The following KCNIP4 variants were observed in gnomAD, a reference collection of about 807,000 sequenced individuals.
KCNIP4 encodes Kv channel-interacting protein 4.
A neutral mutation model predicts 34.0 loss-of-function variants in KCNIP4; 12 were observed. The observed-to-expected ratio is 0.35, with a 90% CI of 0.23 to 0.57. KCNIP4 has a LOEUF of 0.57. Among genes scored for constraint, KCNIP4 ranks in the 20% least tolerant of loss-of-function variants. The probability of loss-of-function intolerance (pLI) is 0.83; values close to 1 mark genes in which losing one functional copy is unlikely to be tolerated. For missense variants in KCNIP4, 238 were observed against 311.7 expected (o/e 0.76, Z 1.78); for synonymous variants, 124 against 102.2 (o/e 1.21, Z -1.29).
chr4:21,764,201 C>T (rs996349357), intron 1 of KCNIP4, among the ~76,000 whole-genome samples: 3 of 152,128 alleles, frequency 2.0e-5, no homozygotes, highest in East Asian at 1.9e-4. Flanking sequence ...CAGACAATTG[C>T]GTGGAGGATA....
intron 1 of KCNIP4, among the ~76,000 whole-genome samples, chr4:21,681,022 T>C (rs1475271638): frequency 1.3e-5 from 2 of 152,178 alleles, no homozygotes; most frequent in Non-Finnish European, 2.9e-5. Flanking sequence ...CATTGAATTC[T>C]TCTCTCTACT....
chr4:20,868,531 A>G (rs1326414193), intron 2 of KCNIP4, among the ~76,000 whole-genome samples: 1 of 152,092 alleles, frequency 6.6e-6, no homozygotes, highest in African/African-American at 2.4e-5. Context: ...AAAAAGACAC[A>G]TGCACTCATA....
At chr4:21,896,465 T>C (rs976145646) in intron 1 of KCNIP4, among the ~76,000 whole-genome samples, 4 of 152,068 alleles carry the variant, frequency 2.6e-5, no homozygotes, top group African/African-American at 9.7e-5. Flanking sequence ...TGGCATATTC[T>C]AGGATATGAG....
At chr4:21,367,047 T>G (rs1719850585) in intron 1 of KCNIP4, among the ~76,000 whole-genome samples, 1 of 152,128 alleles carries the variant, frequency 6.6e-6, no homozygotes, top group South Asian at 2.1e-4. Context: ...TCCTGCCATG[T>G]GAGGACACAG....
chr4:21,091,285 A>G (rs936980397), intron 1 of KCNIP4, among the ~76,000 whole-genome samples: 1 of 152,246 alleles, frequency 6.6e-6, no homozygotes, highest in African/African-American at 2.4e-5. Context: ...TATGGCAGGA[A>G]AAATAAAACC....
chr4:20,785,111 A>G (rs2149396887), intron 3 of KCNIP4, among the ~76,000 whole-genome samples: 1 of 152,228 alleles, frequency 6.6e-6, no homozygotes, highest in East Asian at 1.9e-4. Flanking sequence ...TGTTTCTCAA[A>G]TGTGAGGCAG....
At chr4:21,384,953 A>G (rs531586010) in intron 1 of KCNIP4, among the ~76,000 whole-genome samples, 62 of 152,286 alleles carry the variant, frequency 4.1e-4, no homozygotes, top group South Asian at 1.7e-3. Flanking sequence ...TGTCATTAAG[A>G]GGGGCGCTTT....
intron 1 of KCNIP4, among the ~76,000 whole-genome samples, chr4:20,944,786 G>A (rs1732020950): frequency 1.3e-5 from 2 of 152,170 alleles, no homozygotes; most frequent in Non-Finnish European, 2.9e-5. Flanking sequence ...AGGAAGCTTT[G>A]GGGACAAGAT....
intron 1 of KCNIP4, among the ~76,000 whole-genome samples, chr4:20,958,863 CCTT>C (rs1244606451): frequency 6.6e-6 from 1 of 152,158 alleles, no homozygotes; most frequent in African/African-American, 2.4e-5. Flanking sequence ...GTGGCAGACA[CCTT>C]CTTACCAAGA....
intron 1 of KCNIP4, among the ~76,000 whole-genome samples, chr4:21,785,610 T>TAAATAAATAAATAAATAAATAAATAAATA (rs1553931494): frequency 6.2e-4 from 91 of 147,650 alleles, no homozygotes; most frequent in African/African-American, 1.8e-3. Context: ...AATAAATAAA[T>TAAATAAATAAATAAATAAATAAATAAATA]AAATAAAATA....
intron 1 of KCNIP4, among the ~76,000 whole-genome samples, chr4:21,937,581 C>T (rs961505795): frequency 7.2e-5 from 11 of 152,046 alleles, no homozygotes; most frequent in Admixed American, 6.6e-4. Context: ...GGCCCAATAC[C>T]TATTGGGCAT....
At chr4:21,084,905 C>T (rs1431588768) in intron 1 of KCNIP4, among the ~76,000 whole-genome samples, 1 of 150,170 alleles carries the variant, frequency 6.7e-6, no homozygotes, top group Middle Eastern at 3.2e-3. Context: ...GAATAATTTA[C>T]TGCTACTGAC....
chr4:21,126,127 T>C (rs1750596391), intron 1 of KCNIP4, among the ~76,000 whole-genome samples: 1 of 152,144 alleles, frequency 6.6e-6, no homozygotes, highest in South Asian at 2.1e-4. Context: ...TAGCTTCATT[T>C]TTCCATGACC....
At chr4:21,137,941 A>C (rs1211621466) in intron 1 of KCNIP4, among the ~76,000 whole-genome samples, 1 of 136,944 alleles carries the variant, frequency 7.3e-6, no homozygotes, top group African/African-American at 2.8e-5. Flanking sequence ...GTATGACCTC[A>C]GCTCACTGCA....
At chr4:21,629,807 T>C (rs187707332) in intron 1 of KCNIP4, among the ~76,000 whole-genome samples, 1 of 151,636 alleles carries the variant, frequency 6.6e-6, no homozygotes, top group African/African-American at 2.4e-5. Flanking sequence ...AAATTAGTAA[T>C]GTCTTGATGT....
chr4:20,961,706 T>C (rs1017569211), intron 1 of KCNIP4, among the ~76,000 whole-genome samples: 16 of 152,180 alleles, frequency 1.1e-4, no homozygotes, highest in Admixed American at 9.8e-4. Flanking sequence ...AGGAATCAAT[T>C]ACCCTGAAAA....
intron 3 of KCNIP4, among the ~76,000 whole-genome samples, chr4:20,797,640 C>T (rs983995476): frequency 6.6e-6 from 1 of 152,068 alleles, no homozygotes; most frequent in South Asian, 2.1e-4. Flanking sequence ...GAAGAGGAAA[C>T]CAGAAACGGA....
intron 5 of KCNIP4, among the ~76,000 whole-genome samples, chr4:20,737,025 T>A (rs1280793513): frequency 6.6e-6 from 1 of 152,238 alleles, no homozygotes; most frequent in Non-Finnish European, 1.5e-5. Flanking sequence ...TGATTTTCGA[T>A]AATGGTGCCA....
chr4:21,668,927 C>T (rs565452592), intron 1 of KCNIP4, among the ~76,000 whole-genome samples: 18 of 152,170 alleles, frequency 1.2e-4, no homozygotes, highest in South Asian at 4.1e-4. Context: ...ATACCAAATG[C>T]GCCTGCCTCT....
Sources: gnomAD v4.1 joint callset for allele counts (sites outside exome capture counted in the v4.1 genomes callset) on GRCh38, gnomAD v4.1.1 for gene constraint, MANE v1.5 for transcripts, NCBI Gene and HGNC (gene_info 2026-07-23, HGNC 2026-07-21) for gene names.